Variants in KMT2B observed in about 807,000 individuals in gnomAD.
The protein encoded by KMT2B is histone-lysine N-methyltransferase 2B.
In KMT2B, 22 loss-of-function variants were observed where a neutral mutation model predicts 255.3. That is an observed-to-expected ratio of 0.09 (90% CI 0.06 to 0.12). The LOEUF (loss-of-function observed/expected upper bound fraction) is 0.12. Ranked by LOEUF, KMT2B falls within the 10% of genes least tolerant of loss-of-function variation. KMT2B has a pLI of 1.00. For missense variants in KMT2B, 3,149 were observed against 3,737.0 expected (o/e 0.84, Z 4.10); for synonymous variants, 1,730 against 1,498.1 (o/e 1.15, Z -3.57).
At position 35,723,381 on chromosome 19, in the gene KMT2B, A is replaced by G. The variant is rs1969296902; in HGVS notation, c.3003-66A>G. 3 of 1,537,500 alleles carry G rather than the reference A, an allele frequency of 2.0e-6. No homozygotes were observed. Among genetic ancestry groups the G allele is most frequent in the Non-Finnish European group, 2.6e-6 (3 of 1,136,212 alleles). ...AGCAGTGGGGTTGGCATTCTTGTGGAGAGCTTCCTCTCTTCCCCCAGACCA... is the reference window on the plus strand; with the variant it reads ...AGCAGTGGGGTTGGCATTCTTGTGGGGAGCTTCCTCTCTTCCCCCAGACCA... On this transcript the variant is annotated intron_variant, in intron 6 of 36. Transcript: ENST00000420124. The surrounding 1 kb of genome is among the most constrained non-coding windows in gnomAD (Gnocchi z 7.5).
intron 14 of KMT2B, among the ~76,000 whole-genome samples, chr19:35,726,643 A>T (rs1317936888): frequency 6.6e-6 from 1 of 152,128 alleles, no homozygotes; most frequent in Admixed American, 6.5e-5. Context: ...AGCCTTATTC[A>T]GGCAGTACAT....
chr19:35,734,444 A>G (rs1018544231), intron 30 of KMT2B, among the ~76,000 whole-genome samples: 1 of 152,218 alleles, frequency 6.6e-6, no homozygotes, highest in Non-Finnish European at 1.5e-5. Flanking sequence ...GCACTTGGCC[A>G]GAGTTCAGCT....
In KMT2B at chr19:35,727,139, C is replaced by G. The variant is rs181515152; in HGVS notation, c.4004-17C>G. The G allele has an allele frequency of 6.3e-7, 1 of 1,583,720 alleles. No homozygotes were observed. The highest frequency in any genetic ancestry group is 1.7e-5 in the Admixed American group (1 of 57,854). ...GGAACTCCAGCACCTCTGACTCCTT[C>G]TCTTCCCTTTCTCTAGGAAACTACT... On this transcript the variant is annotated splice_polypyrimidine_tract_variant and intron_variant, in intron 14 of 36. Coordinates refer to ENST00000420124, the MANE Select transcript of KMT2B (RefSeq NM_014727.3). The surrounding 1 kb of genome is among the most constrained non-coding windows in gnomAD (Gnocchi z 4.2).
chr19:35,727,120 C>T lies in KMT2B; in HGVS notation c.4004-36C>T, dbSNP rs761893830. 2.0e-6 allele frequency: 3 copies of T among 1,476,668 alleles called. No individual in the cohort carries two copies. In the East Asian group the frequency reaches 7.0e-5, roughly 35 times the overall value. The allele number at this position is 1,476,668 out of a possible 1,614,324, so 91.5% of individuals were successfully genotyped here. ...AGACACTCAGGGCTGAGTGGGAACT[C>T]CAGCACCTCTGACTCCTTCTCTTCC... On this transcript the variant is annotated intron_variant, in intron 14 of 36. Transcript: ENST00000420124. This position sits in a 1 kb window ranked among gnomAD's most constrained non-coding sequence, Gnocchi z 4.2.
chr19:35,722,444 C>G lies in KMT2B; in HGVS notation c.2543C>G (p.Ser848Trp). ...GGCCCTGTCCGGTCTGAAGATGAGT[C>G]GGTGGAAGCTAAGAGAGAGCGGCCC... ...DRGPVRSEDE[S>W]VEAKRERPSG... Residue 848 changes from serine (S) to tryptophan (W), a missense_variant, in exon 4 of 37, where the codon TCG becomes TGG. Coordinates refer to ENST00000420124, the MANE Select transcript of KMT2B (RefSeq NM_014727.3). 6.2e-7 allele frequency: 1 copy of G among 1,609,594 alleles called. No homozygotes were observed. The highest frequency in any genetic ancestry group is 8.5e-7 in the Non-Finnish European group (1 of 1,179,798).
rs1335778446 is a variant in KMT2B at position 35,723,931 on chromosome 19, T to C, written c.3258T>C (p.Tyr1086=). The C allele has an allele frequency of 6.2e-7, 1 of 1,612,250 alleles. No homozygotes were observed. The highest frequency in any genetic ancestry group is 8.5e-7 in the Non-Finnish European group (1 of 1,179,628). The change falls in exon 8 of 37, where the codon TAT becomes TAC. Residue 1086 remains tyrosine, a synonymous_variant. Coordinates refer to ENST00000420124, the MANE Select transcript of KMT2B (RefSeq NM_014727.3). This position sits in a 1 kb window ranked among gnomAD's most constrained non-coding sequence, Gnocchi z 7.5. ...GCTGCGTCAAACAGCGACCCTCCTATGATATCTTCGAGGATTCGGATGACT... is the reference window on the plus strand; with the variant it reads ...GCTGCGTCAAACAGCGACCCTCCTACGATATCTTCGAGGATTCGGATGACT... The part of the protein sequence containing the change: ...ARRCVKQRPS[Y]DIFEDSDDSE...
Position 35,737,478 on chromosome 19 carries a change from T to TG in KMT2B, c.7551-156dup. 1.3e-6 allele frequency: 1 copy of TG among 750,218 alleles called. No individual in the cohort carries two copies. Among genetic ancestry groups the TG allele is most frequent in the South Asian group, 1.9e-5 (1 of 52,040 alleles). The allele number at this position is 750,218 out of a possible 1,614,324, so 46.5% of individuals were successfully genotyped here. A position where few individuals can be genotyped will look rare whatever the true frequency, so the allele number is the denominator to read the frequency against. Reference sequence around the variant, plus strand: ...AGGAGGATCGCATGAGCCCAGGAGTTGGAGACCAGCGTAGGCAACATGGCA... The same window carrying TG: ...AGGAGGATCGCATGAGCCCAGGAGTTGGGAGACCAGCGTAGGCAACATGGCA... On this transcript the variant is annotated intron_variant, in intron 33 of 36. Coordinates refer to ENST00000420124, the MANE Select transcript of KMT2B (RefSeq NM_014727.3). The surrounding 1 kb of genome is among the most constrained non-coding windows in gnomAD (Gnocchi z 5.3).
Position 35,738,216 on chromosome 19 carries a change from G to A in KMT2B, c.7872+25G>A, listed in dbSNP as rs1279299359. On this transcript the variant is annotated intron_variant, in intron 36 of 36. Transcript: ENST00000420124. This position sits in a 1 kb window ranked among gnomAD's most constrained non-coding sequence, Gnocchi z 8.7. Reference sequence around the variant, plus strand: ...GGTGGGCTCCCAGTGGCTGTGGGAAGACAGTGGGTGAAGCGAGCCTGTCCG... The same window carrying A: ...GGTGGGCTCCCAGTGGCTGTGGGAAAACAGTGGGTGAAGCGAGCCTGTCCG... 6.2e-7 allele frequency: 1 copy of A among 1,613,718 alleles called. No individual in the cohort carries two copies. The highest frequency in any genetic ancestry group is 1.7e-5 in the Admixed American group (1 of 59,988).
rs201214185 is a variant in KMT2B at position 35,738,233 on chromosome 19, G to A, written c.7872+42G>A. On this transcript the variant is annotated intron_variant, in intron 36 of 36. Transcript: ENST00000420124. The surrounding 1 kb of genome is among the most constrained non-coding windows in gnomAD (Gnocchi z 8.7). ...TGTGGGAAGACAGTGGGTGAAGCGA[G>A]CCTGTCCGCGGGGACAGAGCACCTG... 3 of 1,613,590 alleles carry A rather than the reference G, an allele frequency of 1.9e-6. No homozygotes were observed. Among genetic ancestry groups the A allele is most frequent in the Non-Finnish European group, 2.5e-6 (3 of 1,179,654 alleles).
At position 35,731,828 on chromosome 19, in the gene KMT2B, T is replaced by C; in HGVS notation, c.5438-80T>C. 2.7e-5 allele frequency: 29 copies of C among 1,090,906 alleles called. No homozygotes were observed. In the South Asian group the frequency reaches 3.4e-4, roughly 13 times the overall value. 67.6% of individuals were successfully genotyped at this position (1,090,906 alleles called of 1,614,324 possible). A position where few individuals can be genotyped will look rare whatever the true frequency, so the allele number is the denominator to read the frequency against. On this transcript the variant is annotated intron_variant, in intron 26 of 36. Transcript: ENST00000420124. ...GTCAGGGTCGGGGACCTGGGAGGCA[T>C]AGTGGCTCAGGATGAGAGCATGTGG...
chr19:35,732,686 G>A lies in KMT2B; in HGVS notation c.6137G>A (p.Gly2046Asp). The A allele has an allele frequency of 1.9e-6, 3 of 1,609,204 alleles. No homozygotes were observed. The highest frequency in any genetic ancestry group is 2.5e-6 in the Non-Finnish European group (3 of 1,178,092). The change falls in exon 28 of 37, where the codon GGT (glycine) becomes GAT (aspartate). Residue 2046 changes from glycine to aspartate, a missense_variant. By Grantham distance (94) the Gly-to-Asp change is moderately conservative (BLOSUM62 -1). Transcript: ENST00000420124. ...CCTGTGACTGTGGTGTCCGCCCCTG[G>A]TCTGGCCCCCAGCGCTACCCCTGGA... is the stretch of plus-strand genomic sequence containing the variant. ...HFPVTVVSAP[G>D]LAPSATPGAP...
chr19:35,721,286 C>A lies in KMT2B; in HGVS notation c.1939C>A (p.Leu647Ile). ...PATSSRRPLL[L>I]RAPQFTPSEA... Reference sequence around the variant, plus strand: ...CACCTCCTCCCGGAGGCCCCTACTCCTTCGGGCCCCTCAGTTTACCCCAAG... The same window carrying A: ...CACCTCCTCCCGGAGGCCCCTACTCATTCGGGCCCCTCAGTTTACCCCAAG... Residue 647 changes from leucine to isoleucine, a missense_variant, in exon 3 of 37, where the codon CTT (leucine) becomes ATT (isoleucine). Leu to Ile is a conservative substitution (Grantham distance 5). Transcript: ENST00000420124. The A allele has an allele frequency of 6.5e-7, 1 of 1,544,590 alleles. No homozygotes were observed.
Position 35,726,363 on chromosome 19 carries a change from G to C in KMT2B, c.4003+10G>C, listed in dbSNP as rs201804873. On this transcript the variant is annotated intron_variant, in intron 14 of 36. Coordinates refer to ENST00000420124, the MANE Select transcript of KMT2B (RefSeq NM_014727.3). The stretch of plus-strand genomic sequence containing the variant: ...CAGCTATATGAGAAAGGTGGGGACC[G>C]GGCAGGGGAACTGGATGCTGGGGGC... 7.0e-6 allele frequency: 11 copies of C among 1,577,988 alleles called. No individual in the cohort carries two copies. The highest frequency in any genetic ancestry group is 1.7e-4 in the Middle Eastern group (1 of 6,002).
intron 8 of KMT2B, 116 bp from the exon 9 acceptor site, chr19:35,724,521 C>T (rs1298675929): frequency 8.4e-6 from 7 of 837,450 alleles, no homozygotes; most frequent in Non-Finnish European, 1.4e-5. Flanking sequence ...AAAGAATCGT[C>T]CTGGCGGGTC....
intron 2 of KMT2B, 32 bp downstream of exon 2, chr19:35,719,573 G>A (rs374062390): frequency 1.9e-6 from 3 of 1,568,138 alleles, no homozygotes; most frequent in Admixed American, 1.8e-5. Flanking sequence ...CCTCTTTAGC[G>A]TCACAGGAAT....
chr19:35,738,319 A>G lies in KMT2B; in HGVS notation c.7910A>G (p.Asp2637Gly). The G allele has an allele frequency of 6.2e-7, 1 of 1,613,774 alleles. No individual in the cohort carries two copies. Among genetic ancestry groups the G allele is most frequent in the Non-Finnish European group, 8.5e-7 (1 of 1,179,806 alleles). Residue 2637 changes from aspartate (D) to glycine (G), a missense_variant, in exon 37 of 37, where the codon GAT becomes GGT. Coordinates refer to ENST00000420124, the MANE Select transcript of KMT2B (RefSeq NM_014727.3). This position sits in a 1 kb window ranked among gnomAD's most constrained non-coding sequence, Gnocchi z 8.7. Reference sequence around the variant, plus strand: ...TATATGTTCCGCATGGATGACTTTGATGTAGTGGACGCCACGATGCATGGC... The same window carrying G: ...TATATGTTCCGCATGGATGACTTTGGTGTAGTGGACGCCACGATGCATGGC... ...GCYMFRMDDFDVVDATMHGNA... is the reference protein window; with the variant it reads ...GCYMFRMDDFGVVDATMHGNA...
At position 35,721,714 on chromosome 19, in the gene KMT2B, G is replaced by A; in HGVS notation, c.2367G>A (p.Glu789=). 1.2e-6 allele frequency: 2 copies of A among 1,610,576 alleles called. No homozygotes were observed. Among genetic ancestry groups the A allele is most frequent in the South Asian group, 1.1e-5 (1 of 90,640 alleles). Residue 789 remains glutamate, a synonymous_variant, in exon 3 of 37, where the codon GAG becomes GAA. Coordinates refer to ENST00000420124, the MANE Select transcript of KMT2B (RefSeq NM_014727.3). ...GVGSLPLSGV[E]EKMFSLLKRA... is the part of the protein sequence containing the mutation. ...GTTCCTTGCCGCTGTCTGGGGTAGA[G>A]GAGAAGATGTTCAGCCTCCTCAAGA...
Position 35,727,146 on chromosome 19 carries a change from C to G in KMT2B, c.4004-10C>G. The G allele has an allele frequency of 6.2e-7, 1 of 1,600,838 alleles. No homozygotes were observed. Among genetic ancestry groups the G allele is most frequent in the Non-Finnish European group, 8.5e-7 (1 of 1,171,814 alleles). ...CAGCACCTCTGACTCCTTCTCTTCC[C>G]TTTCTCTAGGAAACTACTGCCCGAT... On this transcript the variant is annotated splice_polypyrimidine_tract_variant and intron_variant, in intron 14 of 36. Coordinates refer to ENST00000420124, the MANE Select transcript of KMT2B (RefSeq NM_014727.3). The surrounding 1 kb of genome is among the most constrained non-coding windows in gnomAD (Gnocchi z 4.2).
In KMT2B at chr19:35,727,586, C is replaced by T; in HGVS notation, c.4266C>T (p.Ser1422=). ...GLRQVLQGLL[S]SKVVGPLLLC... is the part of the protein sequence containing the mutation. ...GCCAGGTGCTCCAGGGCCTGCTGAG[C>T]TCCAAGGTGGTGGGCCCACTGCTGC... is the stretch of plus-strand genomic sequence containing the variant. The change falls in exon 16 of 37, where the codon AGC becomes AGT. Residue 1422 remains serine (S), a synonymous_variant. Coordinates refer to ENST00000420124, the MANE Select transcript of KMT2B (RefSeq NM_014727.3). The surrounding 1 kb of genome is among the most constrained non-coding windows in gnomAD (Gnocchi z 4.2). 6.2e-7 allele frequency: 1 copy of T among 1,605,926 alleles called. No homozygotes were observed. The highest frequency in any genetic ancestry group is 8.5e-7 in the Non-Finnish European group (1 of 1,177,336).
Sources: allele counts gnomAD v4.1 joint callset (sites outside exome capture counted in the v4.1 genomes callset), GRCh38; gene constraint gnomAD v4.1.1; non-coding constraint Gnocchi (gnomAD v3.1); transcripts MANE v1.5; gene names NCBI Gene and HGNC (gene_info 2026-07-23, HGNC 2026-07-21).